Variants in RPL21 observed in about 807,000 individuals in gnomAD.
RPL21 encodes large ribosomal subunit protein eL21.
In RPL21, 1 loss-of-function variant was observed where a neutral mutation model predicts 21.2. The ratio of observed to expected loss-of-function variants is 0.05; its 90% CI spans 0.02 to 0.22. RPL21 has a LOEUF of 0.22. RPL21 is among the 10% of genes least tolerant of loss of function. The pLI is 1.00. For missense variants in RPL21, 113 were observed against 199.4 expected (o/e 0.57, Z 2.61); for synonymous variants, 52 against 62.9 (o/e 0.83, Z 0.82).
chr13:27,255,692 C>T, intron 4 of RPL21: 6 of 386,262 alleles, frequency 1.6e-5, no homozygotes, highest in South Asian at 8.0e-5. Context: ...CTGCCTCAGC[C>T]TCTGGGGTAG....
At chr13:27,251,895 C>T (rs745595306) in intron 1 of RPL21, 1 of 152,244 alleles carries the variant, frequency 6.6e-6, no homozygotes, top group Non-Finnish European at 1.5e-5. Context: ...GTTTTATGTT[C>T]CCGTGGCTGC....
intron 3 of RPL21, 130 bp downstream of exon 3, chr13:27,254,411 T>TTTTG: frequency 1.5e-6 from 1 of 647,438 alleles, no homozygotes; most frequent in Non-Finnish European, 2.7e-6. Context: ...TTTTTTTTTT[T>TTTTG]GGAGACGGAG....
intron 1 of RPL21, among the ~76,000 whole-genome samples, chr13:27,252,895 A>T (rs1881716189): frequency 6.6e-6 from 1 of 152,240 alleles, no homozygotes; most frequent in Non-Finnish European, 1.5e-5. Context: ...ATTTTACCTT[A>T]TGGTAGGAGT....
chr13:27,253,798 A>G lies in RPL21; in HGVS notation c.22A>G (p.Arg8Gly). ...CAAAATGACGAACACAAAGGGAAAG[A>G]GGAGAGGCACCCGATATATGTTCTC... The part of the protein sequence containing the change: MTNTKGK[R>G]RGTRYMFSRP... Residue 8 changes from arginine (R) to glycine (G), a missense_variant, in exon 2 of 6, where the codon AGG (arginine) becomes GGG (glycine). Arg to Gly is a moderately radical substitution (Grantham distance 125, BLOSUM62 -2). Coordinates refer to ENST00000311549, the MANE Select transcript of RPL21 (RefSeq NM_000982.4). The G allele has an allele frequency of 1.9e-6, 3 of 1,608,388 alleles. No homozygotes were observed. The highest frequency in any genetic ancestry group is 2.6e-6 in the Non-Finnish European group (3 of 1,174,942).
At chr13:27,253,973 T>C in intron 2 of RPL21, 130 bp downstream of exon 2, 1 of 727,056 alleles carries the variant, frequency 1.4e-6, no homozygotes, top group South Asian at 1.5e-5. Flanking sequence ...GCTTATTTCG[T>C]GATAAGGTAA....
In RPL21 at chr13:27,256,565, A is replaced by G. The variant is rs760862054; in HGVS notation, c.*40A>G. ...AAAAATAAAGGACCTCTGGGCTACA[A>G]AAATGTTTCTCTTCATTGAGTAGAA... On this transcript the variant is annotated 3_prime_UTR_variant, in exon 6 of 6. Transcript: ENST00000311549. The G allele has an allele frequency of 1.4e-5, 13 of 930,354 alleles. No individual in the cohort carries two copies. The highest frequency in any genetic ancestry group is 1.8e-5 in the Admixed American group (1 of 56,538). The allele number at this position is 930,354 out of a possible 1,614,324, so 57.6% of individuals were successfully genotyped here. A position where few individuals can be genotyped will look rare whatever the true frequency, so the allele number is the denominator to read the frequency against.
intron 4 of RPL21, chr13:27,255,728 T>G (rs1881871923): frequency 1.4e-5 from 5 of 363,228 alleles, no homozygotes; most frequent in Non-Finnish European, 2.7e-5. Flanking sequence ...CCCACCACCA[T>G]GCCCAGCTAA....
chr13:27,255,624 T>G (rs998423166), intron 4 of RPL21: 1 of 546,730 alleles, frequency 1.8e-6, no homozygotes, highest in Non-Finnish European at 3.5e-6. Flanking sequence ...CTGGCTGGAG[T>G]GCAGTGGTGG....
chr13:27,255,190 G>C (rs1026444697), intron 3 of RPL21, 52 bp from the exon 4 acceptor site: 1 of 828,600 alleles, frequency 1.2e-6, no homozygotes, highest in Admixed American at 1.7e-5. Context: ...CTTAAAGTCA[G>C]AATTTTAAAG....
In RPL21 at chr13:27,255,330, G is replaced by C; in HGVS notation, c.218G>C (p.Gly73Ala). Residue 73 changes from glycine to alanine, a missense_variant, in exon 4 of 6, where the codon GGC (glycine) becomes GCC (alanine). By Grantham distance (60) the Gly-to-Ala change is moderately conservative. Transcript: ENST00000311549. The stretch of plus-strand genomic sequence containing the variant: ...TACAATGTTACCCAGCATGCTGTTG[G>C]CATTGTTGTAAACAAACAAGTTAAG... ...RVYNVTQHAV[G>A]IVVNKQVKGK... The C allele has an allele frequency of 7.1e-7, 1 of 1,412,548 alleles. No individual in the cohort carries two copies. The highest frequency in any genetic ancestry group is 1.0e-6 in the Non-Finnish European group (1 of 996,014). The allele number at this position is 1,412,548 out of a possible 1,614,324, so 87.5% of individuals were successfully genotyped here.
intron 3 of RPL21, 110 bp downstream of exon 3, chr13:27,254,391 G>GTTTTT (rs1566038795): frequency 1.3e-4 from 22 of 164,426 alleles, no homozygotes; most frequent in African/African-American, 1.7e-4. Context: ...GTATAGAATG[G>GTTTTT]ATTTTTTTTT....
chr13:27,256,143 A>G, intron 4 of RPL21, 41 bp from the exon 5 acceptor site: 1 of 1,496,476 alleles, frequency 6.7e-7, no homozygotes, highest in Non-Finnish European at 9.2e-7. Context: ...TTTCTGTTAT[A>G]TTTTTGTTAA....
chr13:27,254,269 T>A lies in RPL21; in HGVS notation c.117T>A (p.Ile39=). ...TYMRIYKKGD[I]VDIKGMGTVQ... is the part of the protein sequence containing the mutation. Reference sequence around the variant, plus strand: ...TGCGAATCTATAAGAAAGGTGATATTGTAGACATCAAGGTAAACATAAAAT... The same window carrying A: ...TGCGAATCTATAAGAAAGGTGATATAGTAGACATCAAGGTAAACATAAAAT... Residue 39 remains isoleucine, a synonymous_variant, in exon 3 of 6, where the codon ATT becomes ATA. Transcript: ENST00000311549. 1 of 1,586,256 alleles carries A rather than the reference T, an allele frequency of 6.3e-7. No individual in the cohort carries two copies. Among genetic ancestry groups the A allele is most frequent in the Non-Finnish European group, 8.7e-7 (1 of 1,154,580 alleles).
chr13:27,254,392 A>ATGTTTTTTTTTT (rs1881791841), intron 3 of RPL21, 111 bp downstream of exon 3: 1 of 227,354 alleles, frequency 4.4e-6, no homozygotes, highest in Non-Finnish European at 7.8e-6. Flanking sequence ...TATAGAATGG[A>ATGTTTTTTTTTT]TTTTTTTTTT....
At chr13:27,255,611 G>A (rs993862065) in intron 4 of RPL21, 24 of 574,100 alleles carry the variant, frequency 4.2e-5, no homozygotes, top group Middle Eastern at 5.1e-4. Flanking sequence ...TTGCTCTGTC[G>A]CCCTGGCTGG....
chr13:27,251,596 C>A lies in RPL21; in HGVS notation c.-13+11C>A, dbSNP rs926688113. On this transcript the variant is annotated intron_variant, in intron 1 of 5. Transcript: ENST00000311549. ...ACCGCCATCTTCCAGGTAGGGCCTACGCGTGGCTCCCGGGCGCTAGGTGTT... is the reference window on the plus strand; with the variant it reads ...ACCGCCATCTTCCAGGTAGGGCCTAAGCGTGGCTCCCGGGCGCTAGGTGTT... 6.6e-6 allele frequency: 1 copy of A among 152,396 alleles called. No individual in the cohort carries two copies. Among genetic ancestry groups the A allele is most frequent in the African/African-American group, 2.4e-5 (1 of 41,484 alleles). The allele number at this position is 152,396 out of a possible 1,614,324, so 9.4% of individuals were successfully genotyped here. A position where few individuals can be genotyped will look rare whatever the true frequency, so the allele number is the denominator to read the frequency against.
intron 1 of RPL21, chr13:27,251,882 T>C (rs891477337): frequency 6.6e-6 from 1 of 152,234 alleles, no homozygotes. Context: ...TTTAAAAGAC[T>C]TCGTTTTATG....
chr13:27,255,511 G>A (rs765870896), intron 4 of RPL21, 157 bp downstream of exon 4: 2 of 762,374 alleles, frequency 2.6e-6, no homozygotes, highest in Non-Finnish European at 2.4e-6. Context: ...TCTGTATCCT[G>A]TCAGAGGAAA....
intron 2 of RPL21, 23 bp downstream of exon 2, chr13:27,253,866 A>G (rs565097487): frequency 1.6e-5 from 21 of 1,342,928 alleles, no homozygotes; most frequent in Non-Finnish European, 2.1e-5. Context: ...ACCTTCCTTG[A>G]GAGAAGCATG....
Sources: allele counts gnomAD v4.1 joint callset (sites outside exome capture counted in the v4.1 genomes callset), GRCh38; gene constraint gnomAD v4.1.1; transcripts MANE v1.5; gene names NCBI Gene and HGNC (gene_info 2026-07-23, HGNC 2026-07-21).